Variants in NTRK3 observed in about 807,000 individuals in gnomAD.
NTRK3 encodes the protein NT-3 growth factor receptor.
In NTRK3, 24 loss-of-function variants were observed where a neutral mutation model predicts 91.7. The ratio of observed to expected loss-of-function variants is 0.26; its 90% confidence interval spans 0.19 to 0.37. The LOEUF is 0.37. NTRK3 is among the 10% of genes least tolerant of loss of function. NTRK3 has a pLI of 1.00. For missense variants in NTRK3, 880 were observed against 1,068.9 expected, an observed-to-expected ratio of 0.82 and a Z score of 2.46; for synonymous variants, 483 against 404.0, an observed-to-expected ratio of 1.20 and a Z score of -2.34.
intron 14 of NTRK3, among the ~76,000 whole-genome samples, chr15:87,948,460 G>T (rs2070782865): frequency 6.6e-6 from 1 of 152,198 alleles, no homozygotes; most frequent in Admixed American, 6.5e-5. Flanking sequence ...GGCCGAGGTG[G>T]GTGGATCACT....
intron 14 of NTRK3, among the ~76,000 whole-genome samples, chr15:88,030,716 A>G (rs28528910): frequency 0.49 from 74,180 of 151,446 alleles, 19,442 homozygotes; most frequent in African/African-American, 0.69. Context: ...GTGACCTTAG[A>G]GGCACGTTTC....
chr15:88,083,017 G>C (rs1040219636), intron 13 of NTRK3, among the ~76,000 whole-genome samples: 1 of 152,118 alleles, frequency 6.6e-6, no homozygotes, highest in Non-Finnish European at 1.5e-5. Context: ...AACATACTTT[G>C]GAATGTCTGG....
At chr15:87,906,156 C>T (rs1596184355) in intron 17 of NTRK3, among the ~76,000 whole-genome samples, 1 of 152,350 alleles carries the variant, frequency 6.6e-6, no homozygotes, top group African/African-American at 2.4e-5. Flanking sequence ...TAAATCCTGG[C>T]TCCACTATTT....
chr15:88,106,728 C>T (rs1408933151), intron 13 of NTRK3, among the ~76,000 whole-genome samples: 1 of 151,944 alleles, frequency 6.6e-6, no homozygotes, highest in African/African-American at 2.4e-5. Flanking sequence ...GTCAGGAGTT[C>T]GAGACCAGCC....
At chr15:88,252,639 C>T (rs147817279) in intron 3 of NTRK3, 398 of 152,526 alleles carry the variant, frequency 2.6e-3, no homozygotes, top group South Asian at 0.01. Context: ...GACAGTCCAC[C>T]ATGGCCACCA....
intron 3 of NTRK3, among the ~76,000 whole-genome samples, chr15:88,249,500 C>T (rs953613492): frequency 2.6e-5 from 4 of 152,108 alleles, no homozygotes; most frequent in Admixed American, 6.5e-5. Context: ...GAGAAGTCTT[C>T]GAGCGACCCA....
At chr15:88,119,896 C>A (rs2052515884) in intron 13 of NTRK3, among the ~76,000 whole-genome samples, 3 of 152,182 alleles carry the variant, frequency 2.0e-5, no homozygotes, top group South Asian at 2.1e-4. Flanking sequence ...ATGGTCCCAG[C>A]CCCCTTTCAG....
At chr15:88,106,043 G>A (rs1030210028) in intron 13 of NTRK3, among the ~76,000 whole-genome samples, 1 of 152,220 alleles carries the variant, frequency 6.6e-6, no homozygotes, top group South Asian at 2.1e-4. Flanking sequence ...TTGTAGGTGT[G>A]TATGTGTGCG....
intron 13 of NTRK3, among the ~76,000 whole-genome samples, chr15:88,071,858 C>T (rs988804207): frequency 1.3e-5 from 2 of 152,184 alleles, no homozygotes; most frequent in African/African-American, 4.8e-5. Context: ...CCCCATACTC[C>T]TTGCCTCTGT....
At chr15:87,868,270 A>G (rs1477364992) in exon 19 of NTRK3, 1 of 229,260 alleles carries the variant, frequency 4.4e-6, no homozygotes. Context: ...ATAAAACACA[A>G]TGCTGATAAT....
At chr15:88,091,237 A>T (rs2048987460) in intron 13 of NTRK3, among the ~76,000 whole-genome samples, 1 of 152,256 alleles carries the variant, frequency 6.6e-6, no homozygotes, top group Non-Finnish European at 1.5e-5. Flanking sequence ...GGGAAAGACC[A>T]GCAAAAATGC....
rs550390618 is a variant in NTRK3 at position 87,992,059 on chromosome 15, T to C, written c.1585+40798A>G. 1.1e-4 allele frequency among the ~76,000 whole-genome samples: 17 copies of C among 152,166 alleles called. No homozygotes were observed. The South Asian group carries it at 3.5e-3, about 32-fold the overall frequency. ...CTGTTTGGGGGCTTCTTAACATGTT[T>C]CCCAGCTTCCAGTCCTTAAGTTAAT... On this transcript the variant is annotated intron_variant, in intron 14 of 18. Transcript: ENST00000394480.
chr15:88,050,123 A>G (rs2080674102), intron 13 of NTRK3, among the ~76,000 whole-genome samples: 1 of 152,206 alleles, frequency 6.6e-6, no homozygotes, highest in Non-Finnish European at 1.5e-5. Context: ...AGCACCAAGA[A>G]TATAAACAGG....
At chr15:87,860,140 C>A (rs2064484144) in exon 19 of NTRK3, 1 of 219,664 alleles carries the variant, frequency 4.6e-6, no homozygotes, top group Non-Finnish European at 9.1e-6. Flanking sequence ...TCTCTGCCCC[C>A]ACATTTAACT....
At chr15:88,012,032 G>C (rs1179539024) in intron 14 of NTRK3, among the ~76,000 whole-genome samples, 1 of 152,132 alleles carries the variant, frequency 6.6e-6, no homozygotes, top group Non-Finnish European at 1.5e-5. Context: ...CATGGGGAGA[G>C]AGCACAGCAG....
chr15:88,224,612 T>A (rs749581065), intron 3 of NTRK3, among the ~76,000 whole-genome samples: 1 of 152,218 alleles, frequency 6.6e-6, no homozygotes, highest in Non-Finnish European at 1.5e-5. Context: ...CTGGAACCTA[T>A]TAAGACTTCA....
chr15:87,946,730 C>T (rs944599063), intron 14 of NTRK3, among the ~76,000 whole-genome samples: 3 of 152,142 alleles, frequency 2.0e-5, no homozygotes, highest in Admixed American at 6.5e-5. Context: ...GATTCCATCT[C>T]GCTCTGCACT....
intron 13 of NTRK3, among the ~76,000 whole-genome samples, chr15:88,073,336 T>G (rs2047250184): frequency 6.6e-6 from 1 of 152,170 alleles, no homozygotes; most frequent in Non-Finnish European, 1.5e-5. Context: ...AAACAGTGAT[T>G]CCCATAGTGT....
At chr15:88,051,667 C>T (rs1405409488) in intron 13 of NTRK3, among the ~76,000 whole-genome samples, 15 of 152,038 alleles carry the variant, frequency 9.9e-5, no homozygotes, top group African/African-American at 3.1e-4. Context: ...AAAATACTTA[C>T]GTAAAGCCCT....
Sources: gnomAD v4.1 joint callset for allele counts (sites outside exome capture counted in the v4.1 genomes callset) on GRCh38, gnomAD v4.1.1 for gene constraint, MANE v1.5 for transcripts, NCBI Gene and HGNC (gene_info 2026-07-23, HGNC 2026-07-21) for gene names.